Variants in HSP90AA1 observed in about 807,000 individuals in gnomAD.
The protein encoded by HSP90AA1 is heat shock protein 90 alpha family class A member 1.
Under a neutral mutation model 73.3 loss-of-function variants are expected in HSP90AA1, and 18 were observed. That is an observed-to-expected ratio of 0.25 (90% CI 0.17 to 0.36). HSP90AA1 has a LOEUF of 0.36. Ranked by LOEUF, HSP90AA1 falls within the 10% of genes least tolerant of loss-of-function variation. The pLI is 1.00. For synonymous variants in HSP90AA1, 477 were observed against 296.9 expected (o/e 1.61, Z -6.24); for missense variants, 704 against 874.2 (o/e 0.81, Z 2.45).
chr14:102,112,950 C>T (rs981830656), intron 1 of HSP90AA1, among the ~76,000 whole-genome samples: 1 of 152,074 alleles, frequency 6.6e-6, no homozygotes, highest in East Asian at 1.9e-4. Context: ...GTTGTAAATT[C>T]GCATCTCCCT....
upstream of HSP90AA1, chr14:102,087,089 C>G (rs886461144): frequency 5.1e-6 from 5 of 984,428 alleles, no homozygotes; most frequent in South Asian, 1.9e-4. Flanking sequence ...CGGGCCCGCC[C>G]AGCGCGCGGC....
chr14:102,086,451 T>C, intron 1 of HSP90AA1, 73 bp from the exon 2 acceptor site: 1 of 1,522,376 alleles, frequency 6.6e-7, no homozygotes, highest in Non-Finnish European at 9.1e-7. Flanking sequence ...CATCGCGTTC[T>C]CCAAATATTT....
At chr14:102,098,008 G>A (rs2049446000) in intron 2 of HSP90AA1, among the ~76,000 whole-genome samples, 1 of 152,070 alleles carries the variant, frequency 6.6e-6, no homozygotes, top group Non-Finnish European at 1.5e-5. Context: ...CTGGAAAATG[G>A]CCACTCCTTT....
chr14:102,083,753 A>G lies in HSP90AA1; in HGVS notation c.1338+40T>C, dbSNP rs762418051. 6 of 1,551,004 alleles carry G rather than the reference A, an allele frequency of 3.9e-6. No individual in the cohort carries two copies. The Admixed American group carries it at 5.2e-5, about 13-fold the overall frequency. On this transcript the variant is annotated intron_variant, in intron 7 of 10. Transcript: ENST00000216281. ...GAATTAAAAAAAAAAAAAAAAAACT[A>G]AAGAGGCCAATTGGAAAACTAATGG...
chr14:102,098,656 G>T (rs2049455995), intron 2 of HSP90AA1, among the ~76,000 whole-genome samples: 1 of 151,958 alleles, frequency 6.6e-6, no homozygotes, highest in Non-Finnish European at 1.5e-5. Context: ...TAGAGACAGG[G>T]TTTCACCATG....
rs774438296 is a variant in HSP90AA1 at position 102,082,300 on chromosome 14, G to C, written c.1900C>G (p.Leu634Val). The C allele has an allele frequency of 5.6e-6, 9 of 1,613,786 alleles. No homozygotes were observed. The Admixed American group carries it at 6.7e-5, about 12-fold the overall frequency. ...ATGGAATGGTCAGGGTTTATCTCCA[G>C]GTGTTTCTTTGCTGCCATGTAACCC... ...TMGYMAAKKH[L>V]EINPDHSIIE... Residue 634 changes from leucine (L) to valine (V), a missense_variant, in exon 10 of 11, where the codon CTG (leucine) becomes GTG (valine). By Grantham distance (32) the Leu-to-Val change is conservative. Transcript: ENST00000216281.
chr14:102,130,701 C>A (rs1314799583), intron 1 of HSP90AA1, among the ~76,000 whole-genome samples: 1 of 151,934 alleles, frequency 6.6e-6, no homozygotes, highest in Non-Finnish European at 1.5e-5. Context: ...AGTTTTAATT[C>A]TTACATTTAG....
chr14:102,087,947 T>TC (rs2049288306), upstream of HSP90AA1, among the ~76,000 whole-genome samples: 2 of 123,964 alleles, frequency 1.6e-5, no homozygotes, highest in African/African-American at 3.4e-5. Context: ...TTTTTTTTTT[T>TC]TTTCTTTTTT....
At chr14:102,127,695 A>G (rs535376056) in intron 1 of HSP90AA1, among the ~76,000 whole-genome samples, 7 of 152,262 alleles carry the variant, frequency 4.6e-5, no homozygotes, top group African/African-American at 1.4e-4. Context: ...TCTGTGGCCC[A>G]GGCTGGAATG....
At chr14:102,122,271 T>C (rs1408258513) in intron 1 of HSP90AA1, among the ~76,000 whole-genome samples, 1 of 142,418 alleles carries the variant, frequency 7.0e-6, no homozygotes, top group African/African-American at 2.6e-5. Context: ...GAAAAGGATC[T>C]GTTTAAAGAC....
chr14:102,086,295 C>T lies in HSP90AA1; in HGVS notation c.84G>A (p.Gln28=), dbSNP rs767760321. Residue 28 remains glutamine (Q), a synonymous_variant, in exon 2 of 11, where the codon CAG becomes CAA. Coordinates refer to ENST00000216281, the MANE Select transcript of HSP90AA1 (RefSeq NM_005348.4). The part of the protein sequence containing the change: ...ETFAFQAEIA[Q]LMSLIINTFY... ...AAGTATTGATGATCAATGACATCAA[C>T]TGGGCAATTTCTGCCTGAAAGGCGA... 51 of 1,613,954 alleles carry T rather than the reference C, an allele frequency of 3.2e-5. No homozygotes were observed. Among genetic ancestry groups the T allele is most frequent in the Non-Finnish European group, 4.0e-5 (47 of 1,179,944 alleles).
At chr14:102,116,187 T>C (rs1278235075) in intron 1 of HSP90AA1, among the ~76,000 whole-genome samples, 4 of 151,944 alleles carry the variant, frequency 2.6e-5, no homozygotes, top group Admixed American at 6.6e-5. Flanking sequence ...TCTCCTGACC[T>C]CGTGATCCAC....
chr14:102,085,557 G>A, intron 3 of HSP90AA1, 126 bp from the exon 4 acceptor site: 2 of 1,198,178 alleles, frequency 1.7e-6, no homozygotes, highest in South Asian at 1.3e-5. Flanking sequence ...GGCCACCACA[G>A]CAGAACCTTT....
chr14:102,127,676 A>G (rs1335108093), intron 1 of HSP90AA1, among the ~76,000 whole-genome samples: 1 of 152,060 alleles, frequency 6.6e-6, no homozygotes, highest in Non-Finnish European at 1.5e-5. Flanking sequence ...TTTTGAGTCA[A>G]GGTCTTGTTC....
upstream of HSP90AA1, among the ~76,000 whole-genome samples, chr14:102,089,697 C>A (rs190331005): frequency 6.6e-6 from 1 of 152,154 alleles, no homozygotes; most frequent in East Asian, 1.9e-4. Flanking sequence ...CATGAGCTTC[C>A]CCCCTGTCTC....
At chr14:102,126,236 G>A (rs927400602) in intron 1 of HSP90AA1, among the ~76,000 whole-genome samples, 7 of 152,072 alleles carry the variant, frequency 4.6e-5, no homozygotes, top group African/African-American at 1.7e-4. Context: ...TCTCACTTAT[G>A]CAAAAGCATG....
At chr14:102,085,608 A>C (rs1595658696) in intron 3 of HSP90AA1, 150 bp downstream of exon 3, 1 of 1,299,916 alleles carries the variant, frequency 7.7e-7, no homozygotes, top group Non-Finnish European at 1.1e-6. Flanking sequence ...CCACCAAGTC[A>C]TGCCATTACA....
In HSP90AA1 at chr14:102,080,804, G is replaced by A. The variant is rs542330350; in HGVS notation, c.*908C>T. 67 of 223,860 alleles carry A rather than the reference G, an allele frequency of 3.0e-4. No homozygotes were observed. The highest frequency in any genetic ancestry group is 1.1e-3 in the African/African-American group (49 of 44,924). The allele number at this position is 223,860 out of a possible 1,614,324, so 13.9% of individuals were successfully genotyped here. ...ATTCCATGAATAACATCAAAACAACGTGGACACTAAGAGAACACATGTAAC... is the reference window on the plus strand; with the variant it reads ...ATTCCATGAATAACATCAAAACAACATGGACACTAAGAGAACACATGTAAC... On this transcript the variant is annotated 3_prime_UTR_variant, in exon 11 of 11. Coordinates refer to ENST00000216281, the MANE Select transcript of HSP90AA1 (RefSeq NM_005348.4).
At chr14:102,136,013 G>A (rs2049989415) in intron 1 of HSP90AA1, among the ~76,000 whole-genome samples, 1 of 152,264 alleles carries the variant, frequency 6.6e-6, no homozygotes, top group South Asian at 2.1e-4. Flanking sequence ...TGGGAGCCCA[G>A]GCAGGGGAGG....
Sources: gnomAD v4.1 joint callset for allele counts (sites outside exome capture counted in the v4.1 genomes callset) on GRCh38, gnomAD v4.1.1 for gene constraint, MANE v1.5 for transcripts, NCBI Gene and HGNC (gene_info 2026-07-23, HGNC 2026-07-21) for gene names.